Variants in C14orf39 observed in about 807,000 individuals in gnomAD.
C14orf39 encodes chromosome 14 open reading frame 39.
C14orf39 carries 66 observed loss-of-function variants against 85.6 expected under a neutral mutation model. That is an observed-to-expected ratio of 0.77 (90% CI 0.63 to 0.95). The LOEUF (loss-of-function observed/expected upper bound fraction) is 0.95. Ranked by LOEUF, C14orf39 falls within the 40% of genes least tolerant of loss-of-function variation. C14orf39 has a pLI of 0.00. For synonymous variants in C14orf39, 242 were observed against 214.0 expected (o/e 1.13, Z -1.14); for missense variants, 735 against 663.9 (o/e 1.11, Z -1.18).
At position 60,484,572 on chromosome 14, in the gene C14orf39, A is replaced by C. The variant is rs1168532171; in HGVS notation, c.106+309T>G. On this transcript the variant is annotated intron_variant, in intron 3 of 17. Transcript: ENST00000321731. The surrounding 1 kb of genome is among the most constrained non-coding windows in gnomAD (Gnocchi z 4.2). ...TTTCTATAAAGATAAAAAAAATTTC[A>C]CTCAACTATTTGAAATAACTTGTTA... 6.6e-6 allele frequency among the ~76,000 whole-genome samples: 1 copy of C among 152,150 alleles called. No homozygotes were observed. Among genetic ancestry groups the C allele is most frequent in the Non-Finnish European group, 1.5e-5 (1 of 68,022 alleles).
intron 11 of C14orf39, among the ~76,000 whole-genome samples, chr14:60,463,068 A>G (rs1364524757): frequency 6.6e-6 from 1 of 152,116 alleles, no homozygotes; most frequent in Admixed American, 6.6e-5. Flanking sequence ...AAGTGCTTGT[A>G]CCAAATTACA....
intron 1 of C14orf39, chr14:60,509,902 C>T: frequency 6.2e-7 from 1 of 1,612,672 alleles, no homozygotes; most frequent in Non-Finnish European, 8.5e-7. Flanking sequence ...CCGGACTGAC[C>T]CCTACGCAGG....
intron 7 of C14orf39, among the ~76,000 whole-genome samples, chr14:60,469,922 C>T (rs1018614508): frequency 2.9e-5 from 4 of 136,490 alleles, no homozygotes; most frequent in Non-Finnish European, 6.3e-5. Flanking sequence ...AGTATTTTCA[C>T]AGGGTAGTTT....
At chr14:60,448,687 A>G (rs1488975923) in intron 16 of C14orf39, among the ~76,000 whole-genome samples, 2 of 152,152 alleles carry the variant, frequency 1.3e-5, no homozygotes, top group African/African-American at 4.8e-5. Context: ...CTGGGTATAT[A>G]CCCAAAGGAT....
intron 13 of C14orf39, among the ~76,000 whole-genome samples, chr14:60,460,921 A>C (rs1891493185): frequency 1.3e-5 from 2 of 151,942 alleles, no homozygotes; most frequent in African/African-American, 2.4e-5. Flanking sequence ...TGAAAGAATG[A>C]CTAAGTAAAT....
chr14:60,488,783 A>G (rs1892942039), upstream of C14orf39, among the ~76,000 whole-genome samples: 1 of 152,072 alleles, frequency 6.6e-6, no homozygotes, highest in Admixed American at 6.5e-5. Flanking sequence ...AATCAAGACA[A>G]CATTTTAATT....
chr14:60,448,525 G>C (rs1031580093), intron 16 of C14orf39, among the ~76,000 whole-genome samples: 1 of 152,084 alleles, frequency 6.6e-6, no homozygotes, highest in Non-Finnish European at 1.5e-5. Flanking sequence ...AAAAAGTCAG[G>C]AAACAACAGA....
chr14:60,457,684 T>A (rs1041957184), intron 14 of C14orf39, among the ~76,000 whole-genome samples: 23 of 151,960 alleles, frequency 1.5e-4, no homozygotes, highest in Admixed American at 1.4e-3. Flanking sequence ...ATCAAAAAAA[T>A]TAAAATGTGC....
At chr14:60,509,350 C>G (rs747432869) in intron 1 of C14orf39, 1 of 1,513,552 alleles carries the variant, frequency 6.6e-7, no homozygotes, top group Non-Finnish European at 9.1e-7. Flanking sequence ...GCATCTGCTG[C>G]GTGTCCCGCT....
At chr14:60,470,104 C>G (rs928033457) in intron 7 of C14orf39, among the ~76,000 whole-genome samples, 1 of 151,608 alleles carries the variant, frequency 6.6e-6, no homozygotes, top group Non-Finnish European at 1.5e-5. Flanking sequence ...TGGAGAAAAA[C>G]AAAATCGACC....
intron 16 of C14orf39, among the ~76,000 whole-genome samples, chr14:60,452,652 T>C (rs1891091256): frequency 6.6e-6 from 1 of 152,130 alleles, no homozygotes; most frequent in Non-Finnish European, 1.5e-5. Context: ...AAAGTATAAC[T>C]GGATTATTTG....
rs1448825050 is a variant in C14orf39, at chr14:60,484,666, A to G, written c.106+215T>C. On this transcript the variant is annotated intron_variant, in intron 3 of 17. Coordinates refer to ENST00000321731, the MANE Select transcript of C14orf39 (RefSeq NM_174978.3). This position sits in a 1 kb window ranked among gnomAD's most constrained non-coding sequence, Gnocchi z 4.2. Reference sequence around the variant, plus strand: ...TTCTACTTAAGACAAAATTCTTCATAAAATAATTAAATGCTGAATATAGAA... The same window carrying G: ...TTCTACTTAAGACAAAATTCTTCATGAAATAATTAAATGCTGAATATAGAA... Among the ~76,000 whole-genome samples the G allele has an allele frequency of 1.3e-5, 2 of 152,198 alleles. No homozygotes were observed. The highest frequency in any genetic ancestry group is 2.4e-5 in the African/African-American group (1 of 41,462).
chr14:60,483,629 C>A, intron 4 of C14orf39, 62 bp downstream of exon 4: 1 of 1,436,382 alleles, frequency 7.0e-7, no homozygotes. Context: ...GTATCTTCAA[C>A]TGTAAACTCA....
At chr14:60,488,434 G>A (rs1271764582), upstream of C14orf39, among the ~76,000 whole-genome samples, 1 of 152,048 alleles carries the variant, frequency 6.6e-6, no homozygotes, top group Non-Finnish European at 1.5e-5. Context: ...TCTCACTCCA[G>A]TGAATTACAG....
intron 17 of C14orf39, among the ~76,000 whole-genome samples, chr14:60,437,671 T>C (rs764403688): frequency 6.6e-6 from 1 of 151,978 alleles, no homozygotes; most frequent in Non-Finnish European, 1.5e-5. Flanking sequence ...AGTGAAGACA[T>C]AATGAAATGT....
At chr14:60,509,430 C>A in intron 1 of C14orf39, 1 of 1,599,672 alleles carries the variant, frequency 6.3e-7, no homozygotes, top group Middle Eastern at 1.7e-4. Flanking sequence ...AATTTCAGCC[C>A]CCAGCAAGTG....
chr14:60,473,521 G>A (rs536957643), intron 5 of C14orf39, among the ~76,000 whole-genome samples: 1 of 152,156 alleles, frequency 6.6e-6, no homozygotes, highest in African/African-American at 2.4e-5. Context: ...TTCTCCTAGG[G>A]TTTCATGGTT....
intron 1 of C14orf39, among the ~76,000 whole-genome samples, 170 bp from the exon 2 acceptor site, chr14:60,485,256 TC>T (rs1205745243): frequency 6.6e-6 from 1 of 152,312 alleles, no homozygotes; most frequent in East Asian, 1.9e-4. Flanking sequence ...CCCAGCCCCT[TC>T]CCGGGCCAAG....
At chr14:60,509,201 C>T (rs2140187447) in intron 1 of C14orf39, 3 of 602,062 alleles carry the variant, frequency 5.0e-6, no homozygotes, top group South Asian at 3.9e-5. Flanking sequence ...GCCCGAACCC[C>T]AAGCCGCGGA....
Sources: gnomAD v4.1 joint callset for allele counts (sites outside exome capture counted in the v4.1 genomes callset) on GRCh38, gnomAD v4.1.1 for gene constraint, Gnocchi (gnomAD v3.1) non-coding constraint, MANE v1.5 for transcripts, NCBI Gene and HGNC (gene_info 2026-07-23, HGNC 2026-07-21) for gene names.